GOLM2: variants seen among roughly 807,000 people sequenced by gnomAD.
The protein encoded by GOLM2 is protein GOLM2.
Under a neutral mutation model 55.9 loss-of-function variants are expected in GOLM2, and 26 were observed. The ratio of observed to expected loss-of-function variants is 0.47; its 90% CI spans 0.34 to 0.65. The LOEUF is 0.65. Ranked by LOEUF, GOLM2 falls within the 30% of genes least tolerant of loss-of-function variation. The pLI is 0.01. For synonymous variants in GOLM2, 165 were observed against 194.6 expected (o/e 0.85, Z 1.27); for missense variants, 486 against 531.8 (o/e 0.91, Z 0.85).
At chr15:44,356,133 A>G (rs1051529372) in intron 6 of GOLM2, among the ~76,000 whole-genome samples, 1 of 152,132 alleles carries the variant, frequency 6.6e-6, no homozygotes, top group Admixed American at 6.6e-5. Flanking sequence ...AAAAGTAGAA[A>G]GGTCTAAAAT....
intron 8 of GOLM2, among the ~76,000 whole-genome samples, chr15:44,381,254 T>A (rs1052051511): frequency 6.6e-6 from 1 of 152,172 alleles, no homozygotes; most frequent in African/African-American, 2.4e-5. Flanking sequence ...CTTATGAATA[T>A]AAACTTTTTT....
intron 1 of GOLM2, among the ~76,000 whole-genome samples, chr15:44,321,864 C>T (rs939466802): frequency 6.6e-6 from 1 of 151,660 alleles, no homozygotes; most frequent in Middle Eastern, 3.2e-3. Flanking sequence ...CCAGCCTGGG[C>T]AACATAGCAA....
At chr15:44,344,773 T>C (rs2079112325) in intron 6 of GOLM2, among the ~76,000 whole-genome samples, 1 of 150,014 alleles carries the variant, frequency 6.7e-6, no homozygotes, top group Non-Finnish European at 1.5e-5. Flanking sequence ...ATTTATTTAT[T>C]TAATTAATTT....
chr15:44,406,494 G>C (rs976041176), intron 9 of GOLM2: 1 of 152,172 alleles, frequency 6.6e-6, no homozygotes, highest in Admixed American at 6.6e-5. Context: ...TTCTTCATCT[G>C]TATGAAGACT....
At chr15:44,304,891 A>C (rs2078825977) in intron 1 of GOLM2, among the ~76,000 whole-genome samples, 1 of 152,218 alleles carries the variant, frequency 6.6e-6, no homozygotes, top group African/African-American at 2.4e-5. Context: ...CCACATCTGC[A>C]GTTACTTCCT....
rs2079236721 is a variant in GOLM2, at chr15:44,361,300, C to G, written c.803-18390C>G. ...AAAGATCAACAAGCTAGACCGCTAG[C>G]AAGACTAATAAAGAAAAAAGAGAGA... On this transcript the variant is annotated intron_variant, in intron 6 of 9. Coordinates refer to ENST00000299957, the MANE Select transcript of GOLM2 (RefSeq NM_138423.4). 2.6e-5 allele frequency among the ~76,000 whole-genome samples: 4 copies of G among 151,878 alleles called. 1 individual carries two copies. Among genetic ancestry groups the G allele is most frequent in the Admixed American group, 1.3e-4 (2 of 15,240 alleles).
chr15:44,294,631 T>G (rs1003589029), intron 1 of GOLM2, among the ~76,000 whole-genome samples: 1 of 151,048 alleles, frequency 6.6e-6, no homozygotes, highest in Non-Finnish European at 1.5e-5. Context: ...GGAGAATTGC[T>G]TGAACCCGGC....
intron 4 of GOLM2, 135 bp downstream of exon 4, chr15:44,332,213 C>A: frequency 1.8e-6 from 1 of 547,694 alleles, no homozygotes; most frequent in South Asian, 2.5e-5. Context: ...AAGTGATTTA[C>A]AATGGCTTTA....
chr15:44,398,656 C>T (rs960874019), intron 8 of GOLM2, among the ~76,000 whole-genome samples: 3 of 141,122 alleles, frequency 2.1e-5, no homozygotes, highest in African/African-American at 5.3e-5. Context: ...AATATAGGAG[C>T]CTTTTTTTTT....
chr15:44,350,504 C>T (rs142007613), intron 6 of GOLM2, among the ~76,000 whole-genome samples: 4 of 152,176 alleles, frequency 2.6e-5, no homozygotes, highest in East Asian at 1.9e-4. Context: ...AAGAAAAGCC[C>T]GGGACCCAAT....
At chr15:44,398,970 G>A (rs980528913) in intron 8 of GOLM2, among the ~76,000 whole-genome samples, 2 of 151,808 alleles carry the variant, frequency 1.3e-5, no homozygotes, top group African/African-American at 2.4e-5. Context: ...GCCTGGCCCC[G>A]TAATTATCTG....
intron 8 of GOLM2, among the ~76,000 whole-genome samples, chr15:44,394,715 A>G (rs956072553): frequency 2.0e-5 from 3 of 152,206 alleles, no homozygotes; most frequent in Non-Finnish European, 4.4e-5. Flanking sequence ...CCCACCTCTC[A>G]TGATTATAAC....
intron 8 of GOLM2, among the ~76,000 whole-genome samples, chr15:44,382,430 G>A (rs927006064): frequency 5.3e-5 from 8 of 151,932 alleles, no homozygotes; most frequent in East Asian, 1.9e-4. Context: ...AGGTTCAAGC[G>A]ATTCTTCTGC....
intron 8 of GOLM2, among the ~76,000 whole-genome samples, chr15:44,388,623 A>G (rs2079465170): frequency 6.6e-6 from 1 of 152,104 alleles, no homozygotes; most frequent in Non-Finnish European, 1.5e-5. Flanking sequence ...GCAGTAAGCC[A>G]TGATCGTGCC....
At chr15:44,341,271 G>A (rs975191731) in intron 6 of GOLM2, among the ~76,000 whole-genome samples, 2 of 151,806 alleles carry the variant, frequency 1.3e-5, no homozygotes. Context: ...TAGCAGAGAC[G>A]GGGTTTCACC....
intron 6 of GOLM2, among the ~76,000 whole-genome samples, chr15:44,363,059 C>T (rs890142755): frequency 6.6e-6 from 1 of 152,124 alleles, no homozygotes; most frequent in African/African-American, 2.4e-5. Flanking sequence ...GGATTAAAGA[C>T]TTAAACGTTA....
At chr15:44,332,871 TATG>T (rs2079031607) in intron 4 of GOLM2, among the ~76,000 whole-genome samples, 1 of 152,208 alleles carries the variant, frequency 6.6e-6, no homozygotes, top group Non-Finnish European at 1.5e-5. Flanking sequence ...TAATATGTAT[TATG>T]AAGATTCTTT....
At chr15:44,302,736 C>T (rs889743557) in intron 1 of GOLM2, among the ~76,000 whole-genome samples, 2 of 151,706 alleles carry the variant, frequency 1.3e-5, no homozygotes, top group African/African-American at 2.4e-5. Flanking sequence ...AGTGATCTGC[C>T]GGCCTTGGCC....
At chr15:44,342,207 A>G (rs1472865802) in intron 6 of GOLM2, among the ~76,000 whole-genome samples, 1 of 151,376 alleles carries the variant, frequency 6.6e-6, no homozygotes, top group African/African-American at 2.4e-5. Flanking sequence ...CATTTTCTAC[A>G]TTGTCATGGC....
Sources: allele counts gnomAD v4.1 joint callset (sites outside exome capture counted in the v4.1 genomes callset), GRCh38; gene constraint gnomAD v4.1.1; transcripts MANE v1.5; gene names NCBI Gene and HGNC (gene_info 2026-07-23, HGNC 2026-07-21).